The following NUP35 variants were observed in gnomAD, a reference collection of about 807,000 sequenced individuals.
NUP35 encodes nucleoporin 35.
NUP35 carries 25 observed loss-of-function variants against 41.5 expected under a neutral mutation model. That is an observed-to-expected ratio of 0.60 (90% CI 0.44 to 0.84). The LOEUF (loss-of-function observed/expected upper bound fraction) is 0.84, where lower values mean the gene tolerates loss of function less well. Among genes scored for constraint, NUP35 ranks in the 40% least tolerant of loss-of-function variants. The pLI is 0.00. For synonymous variants in NUP35, 149 were observed against 130.7 expected (o/e 1.14, Z -0.96); for missense variants, 396 against 396.6 (o/e 1.00, Z 0.01).
intron 5 of NUP35, among the ~76,000 whole-genome samples, chr2:183,154,752 A>C (rs571902131): frequency 6.6e-6 from 1 of 152,174 alleles, no homozygotes; most frequent in South Asian, 2.1e-4. Context: ...TTCCAATGTC[A>C]CTTCCACATT....
Position 183,159,582 on chromosome 2 carries a change from GA to G in NUP35, c.835del (p.Ser279ValfsTer8). 6.2e-7 allele frequency: 1 copy of G among 1,613,188 alleles called. No individual in the cohort carries two copies. The highest frequency in any genetic ancestry group is 8.5e-7 in the Non-Finnish European group (1 of 1,179,582). On this transcript the variant is annotated frameshift_variant, in exon 8 of 9. Transcript: ENST00000295119. LOFTEE classifies it high-confidence loss of function. ...ACTCTAGGTACACCAACACAACCTGGAAGTACTCCTAGGATTTCTACCATGA... is the reference window on the plus strand; with the variant it reads ...ACTCTAGGTACACCAACACAACCTGGAGTACTCCTAGGATTTCTACCATGA... The part of the protein sequence containing the change: ...IKTLGTPTQP[G>X]STPRISTMRP...
At chr2:183,127,672 T>C (rs1684544016) in intron 1 of NUP35, among the ~76,000 whole-genome samples, 1 of 152,254 alleles carries the variant, frequency 6.6e-6, no homozygotes, top group African/African-American at 2.4e-5. Context: ...CAGCCTGTCC[T>C]TGTTTTTGGT....
intron 4 of NUP35, among the ~76,000 whole-genome samples, chr2:183,150,896 AATG>A (rs1165274677): frequency 6.6e-6 from 1 of 152,228 alleles, no homozygotes; most frequent in Non-Finnish European, 1.5e-5. Context: ...TCTGATATAA[AATG>A]AACTTTATAA....
At chr2:183,135,072 A>T (rs1216895599) in intron 4 of NUP35, among the ~76,000 whole-genome samples, 1 of 151,908 alleles carries the variant, frequency 6.6e-6, no homozygotes, top group African/African-American at 2.4e-5. Context: ...TCTTTTAAAG[A>T]CCCTTGTGAA....
chr2:183,129,159 A>T (rs1393848621), intron 2 of NUP35, among the ~76,000 whole-genome samples: 1 of 152,216 alleles, frequency 6.6e-6, no homozygotes, highest in East Asian at 1.9e-4. Context: ...GTAGATACGA[A>T]TTCTGCCTTT....
Position 183,159,609 on chromosome 2 carries a change from G to T in NUP35, c.860G>T (p.Arg287Ile). The T allele has an allele frequency of 1.9e-6, 3 of 1,613,356 alleles. No homozygotes were observed. Among genetic ancestry groups the T allele is most frequent in the Non-Finnish European group, 2.5e-6 (3 of 1,179,668 alleles). The change falls in exon 8 of 9, where the codon AGA becomes ATA. Residue 287 changes from arginine to isoleucine, a missense_variant. Physicochemically the swap from Arg to Ile is moderately conservative, Grantham distance 97. Coordinates refer to ENST00000295119, the MANE Select transcript of NUP35 (RefSeq NM_138285.5). ...PGSTPRISTM[R>I]PLATAYKAST... is the part of the protein sequence containing the mutation. ...AGTACTCCTAGGATTTCTACCATGA[G>T]ACCTCTTGCTACAGCATACAAAGCC...
intron 3 of NUP35, among the ~76,000 whole-genome samples, chr2:183,131,518 C>T (rs1011332258): frequency 1.3e-5 from 2 of 152,152 alleles, no homozygotes; most frequent in African/African-American, 4.8e-5. Context: ...ACTAGGCTTA[C>T]TTGTCAAGTA....
chr2:183,157,710 T>C (rs1325629335), intron 6 of NUP35, among the ~76,000 whole-genome samples, 197 bp downstream of exon 6: 6 of 152,150 alleles, frequency 3.9e-5, no homozygotes, highest in African/African-American at 1.4e-4. Flanking sequence ...TGAGAAGATA[T>C]GGAGAATTGA....
At position 183,144,511 on chromosome 2, in the gene NUP35, T is replaced by G. The variant is rs571842743; in HGVS notation, c.398-6997T>G. Reference sequence around the variant, plus strand: ...AAAATTTACTAGTCTTTTAATCTCTTTTGTTTTCATTTAGGTTAGTGGTCT... The same window carrying G: ...AAAATTTACTAGTCTTTTAATCTCTGTTGTTTTCATTTAGGTTAGTGGTCT... On this transcript the variant is annotated intron_variant, in intron 4 of 8. Coordinates refer to ENST00000295119, the MANE Select transcript of NUP35 (RefSeq NM_138285.5). Among the ~76,000 whole-genome samples the G allele has an allele frequency of 2.6e-4, 39 of 152,358 alleles. 1 individual carries two copies. In the South Asian group the frequency reaches 8.1e-3, roughly 32 times the overall value.
chr2:183,157,497 A>G lies in NUP35; in HGVS notation c.593A>G (p.Asn198Ser), dbSNP rs1290319065. The G allele has an allele frequency of 6.2e-7, 1 of 1,610,326 alleles. No homozygotes were observed. Among genetic ancestry groups the G allele is most frequent in the East Asian group, 2.2e-5 (1 of 44,816 alleles). Residue 198 changes from asparagine to serine, a missense_variant, in exon 6 of 9, where the codon AAT (asparagine) becomes AGT (serine). Transcript: ENST00000295119. Reference protein sequence around the residue: ...YILLQFAQYGNILKHVMSNTG... With the variant: ...YILLQFAQYGSILKHVMSNTG... ...TTACTACAATTTGCACAGTATGGGA[A>G]TATCTTAAAACATGTGGTAAGGCTT...
intron 4 of NUP35, among the ~76,000 whole-genome samples, chr2:183,141,814 T>C (rs1448076735): frequency 1.3e-5 from 2 of 152,236 alleles, no homozygotes; most frequent in Non-Finnish European, 2.9e-5. Flanking sequence ...GATTTCTTGT[T>C]TTGGCATGGT....
chr2:183,136,640 C>T (rs1225453344), intron 4 of NUP35, among the ~76,000 whole-genome samples: 5 of 152,148 alleles, frequency 3.3e-5, no homozygotes, highest in Non-Finnish European at 7.3e-5. Context: ...AGAGCTCATT[C>T]GATTTTATCA....
At chr2:183,130,638 A>G (rs1353526426) in intron 3 of NUP35, 93 bp downstream of exon 3, 7 of 1,334,254 alleles carry the variant, frequency 5.2e-6, no homozygotes, top group Non-Finnish European at 5.2e-6. Context: ...GTTTCCCTGA[A>G]GTCTGTTTTA....
chr2:183,126,560 T>C (rs918824201), intron 1 of NUP35, among the ~76,000 whole-genome samples: 1 of 152,214 alleles, frequency 6.6e-6, no homozygotes, highest in Non-Finnish European at 1.5e-5. Context: ...ACATAGTAAC[T>C]AGCACTTTAT....
chr2:183,121,915 T>TTTTTTATTATTATTATTATTA (rs143821626), upstream of NUP35, among the ~76,000 whole-genome samples: 6 of 145,360 alleles, frequency 4.1e-5, no homozygotes, highest in South Asian at 2.2e-4. Flanking sequence ...GGCCATTCTT[T>TTTTTTATTATTATTATTATTA]TTATTATTAT....
chr2:183,151,798 T>G (rs1366937577), intron 5 of NUP35, 149 bp downstream of exon 5: 1 of 661,468 alleles, frequency 1.5e-6, no homozygotes, highest in Non-Finnish European at 2.5e-6. Context: ...TTTGCTACAT[T>G]TGCTTTGTCA....
intron 4 of NUP35, among the ~76,000 whole-genome samples, chr2:183,135,716 A>T (rs141782527): frequency 4.9e-4 from 74 of 152,214 alleles, no homozygotes; most frequent in South Asian, 1.0e-3. Context: ...GTAGATTTTA[A>T]ACTAAGCAAA....
intron 3 of NUP35, chr2:183,131,245 C>T (rs958563062): frequency 1.3e-5 from 2 of 155,406 alleles, no homozygotes; most frequent in Admixed American, 6.2e-5. Flanking sequence ...TGTGCCTGGC[C>T]GACTTTTCTT....
rs1553535641 is a variant in NUP35 at position 183,161,035 on chromosome 2, TG to T, written c.904-18del. Reference sequence around the variant, plus strand: ...GTAACAATAACCTAACCGTTTTTTTTGTGTGTGTTTTTTAATAGGTTATTTC... The same window carrying T: ...GTAACAATAACCTAACCGTTTTTTTTTGTGTGTTTTTTAATAGGTTATTTC... On this transcript the variant is annotated intron_variant, in intron 8 of 8. Transcript: ENST00000295119. 3 of 1,601,368 alleles carry T rather than the reference TG, an allele frequency of 1.9e-6. No individual in the cohort carries two copies. The highest frequency in any genetic ancestry group is 1.7e-6 in the Non-Finnish European group (2 of 1,169,318).
Sources: allele counts gnomAD v4.1 joint callset (sites outside exome capture counted in the v4.1 genomes callset), GRCh38; gene constraint gnomAD v4.1.1; transcripts MANE v1.5; gene names NCBI Gene and HGNC (gene_info 2026-07-23, HGNC 2026-07-21).